SYTL5: variants seen among roughly 807,000 people sequenced by gnomAD.
SYTL5 encodes synaptotagmin-like protein 5.
A neutral mutation model predicts 55.9 loss-of-function variants in SYTL5; 34 were observed. The observed-to-expected ratio is 0.61, with a 90% CI of 0.46 to 0.81. SYTL5 has a LOEUF of 0.81. Among genes scored for constraint, SYTL5 ranks in the 30% least tolerant of loss-of-function variants. The pLI is 0.00. For missense variants in SYTL5, 637 were observed against 546.7 expected (o/e 1.17, Z -1.65); for synonymous variants, 221 against 188.7 (o/e 1.17, Z -1.40).
In SYTL5 at chrX:38,122,076, A is replaced by G; in HGVS notation, c.1706-4A>G. On this transcript the variant is annotated splice_region_variant and splice_polypyrimidine_tract_variant and intron_variant, in intron 14 of 16. Coordinates refer to ENST00000297875, the MANE Select transcript of SYTL5 (RefSeq NM_138780.3). ...CCATTCCCTCATTTTGGTGGCTGAC[A>G]CAGGAAATAAGACTTTTAAAAAGGG... 1 of 1,169,187 alleles carries G rather than the reference A, an allele frequency of 8.6e-7. No homozygotes were observed. The highest frequency in any genetic ancestry group is 1.1e-6 in the Non-Finnish European group (1 of 871,694).
chrX:37,922,555 A>G, the SYTL5 span, among the ~76,000 whole-genome samples: 2 of 112,208 alleles, frequency 1.8e-5, no homozygotes, highest in Non-Finnish European at 3.8e-5. Context: ...AGACTACTCA[A>G]TGAATTTTCC....
chrX:38,061,360 T>A (rs1305079461), intron 3 of SYTL5, among the ~76,000 whole-genome samples: 1 of 112,151 alleles, frequency 8.9e-6, no homozygotes, highest in East Asian at 2.8e-4. Flanking sequence ...TTGCTATTCA[T>A]GGAGTGGTTT....
chrX:37,970,354 CTT>C, the SYTL5 span, among the ~76,000 whole-genome samples: 3 of 96,315 alleles, frequency 3.1e-5, no homozygotes, highest in Non-Finnish European at 2.1e-5. Flanking sequence ...TTTTTTTTAC[CTT>C]TTTTTTTTTT....
At chrX:38,001,535 T>C in the SYTL5 span, among the ~76,000 whole-genome samples, 15 of 111,676 alleles carry the variant, frequency 1.3e-4, no homozygotes, top group Non-Finnish European at 1.9e-5. Flanking sequence ...CCCACAAATA[T>C]GTGAGAACAT....
chrX:38,010,180 GATT>G (rs988984263), intron 1 of SYTL5, among the ~76,000 whole-genome samples: 6 of 112,334 alleles, frequency 5.3e-5, no homozygotes, highest in Non-Finnish European at 9.4e-5. Flanking sequence ...AGTGTTGTAG[GATT>G]AGAACGTTTA....
At chrX:37,951,449 C>T in the SYTL5 span, among the ~76,000 whole-genome samples, 1 of 110,595 alleles carries the variant, frequency 9.0e-6, no homozygotes, top group African/African-American at 3.3e-5. Flanking sequence ...CTAAGCATGC[C>T]GTATGTGTCA....
intron 9 of SYTL5, among the ~76,000 whole-genome samples, chrX:38,097,527 G>T (rs1266020844): frequency 9.1e-6 from 1 of 110,492 alleles, no homozygotes; most frequent in Non-Finnish European, 1.9e-5. Flanking sequence ...CATGTGCATT[G>T]AAATTAACAA....
chrX:38,120,478 A>C lies in SYTL5; in HGVS notation c.1705+12A>C. 8.8e-7 allele frequency: 1 copy of C among 1,133,121 alleles called. No homozygotes were observed. The highest frequency in any genetic ancestry group is 1.2e-6 in the Non-Finnish European group (1 of 823,891). 93.4% of individuals were successfully genotyped at this position (1,133,121 alleles called of 1,213,427 possible). A position where few individuals can be genotyped will look rare whatever the true frequency, so the allele number is the denominator to read the frequency against. ...AGAACAACTCCAAGGTAGAGTAAAA[A>C]TCAATGACTTTGATCAATGACATTC... On this transcript the variant is annotated intron_variant, in intron 14 of 16. Coordinates refer to ENST00000297875, the MANE Select transcript of SYTL5 (RefSeq NM_138780.3).
intron 2 of SYTL5, among the ~76,000 whole-genome samples, chrX:38,038,921 C>A (rs951811103): frequency 8.9e-6 from 1 of 111,747 alleles, no homozygotes; most frequent in Admixed American, 9.5e-5. Flanking sequence ...ACGGAGAAAG[C>A]GTAAAAATTG....
chrX:38,093,603 C>A (rs183755581), intron 7 of SYTL5, among the ~76,000 whole-genome samples: 113 of 111,124 alleles, frequency 1.0e-3, no homozygotes, highest in Middle Eastern at 9.3e-3. Flanking sequence ...ATTTTCTTTA[C>A]CATATGTTAC....
At chrX:37,924,520 G>C in the SYTL5 span, among the ~76,000 whole-genome samples, 2 of 111,386 alleles carry the variant, frequency 1.8e-5, no homozygotes, top group South Asian at 3.8e-4. Flanking sequence ...TTATTGTATA[G>C]CTTATAGAAG....
chrX:38,048,595 G>A (rs1450227853), intron 2 of SYTL5, among the ~76,000 whole-genome samples: 1 of 109,947 alleles, frequency 9.1e-6, no homozygotes, highest in Non-Finnish European at 1.9e-5. Flanking sequence ...TCACAGTCAT[G>A]GCGGAAGGTG....
chrX:37,985,692 A>G, the SYTL5 span, among the ~76,000 whole-genome samples: 50 of 110,940 alleles, frequency 4.5e-4, no homozygotes, highest in Admixed American at 3.0e-3. Flanking sequence ...CGTAAAATTC[A>G]TATGAAATTT....
At chrX:37,911,642 C>T in the SYTL5 span, among the ~76,000 whole-genome samples, 2 of 111,301 alleles carry the variant, frequency 1.8e-5, no homozygotes, top group Non-Finnish European at 3.8e-5. Flanking sequence ...TACACGAGAC[C>T]AACAGTGAGC....
At chrX:37,894,202 G>A in the SYTL5 span, among the ~76,000 whole-genome samples, 2 of 111,413 alleles carry the variant, frequency 1.8e-5, no homozygotes, top group East Asian at 5.6e-4. Context: ...ACCTGTTGTT[G>A]GACATTAGAG....
chrX:38,103,057 C>G, intron 10 of SYTL5: 4 of 1,161,482 alleles, frequency 3.4e-6, no homozygotes, highest in Non-Finnish European at 4.6e-6. Context: ...AGGAAGTGGA[C>G]CTACCTAAAT....
chrX:37,897,987 A>C, the SYTL5 span, among the ~76,000 whole-genome samples: 1 of 111,186 alleles, frequency 9.0e-6, no homozygotes, highest in Non-Finnish European at 1.9e-5. Context: ...AATCTCAGCT[A>C]CTCAGGAGGC....
chrX:38,110,257 G>A, intron 12 of SYTL5, 64 bp from the exon 13 acceptor site: 3 of 895,378 alleles, frequency 3.4e-6, no homozygotes, highest in Non-Finnish European at 4.5e-6. Flanking sequence ...AGTAAATTTC[G>A]ACCTCTCCTG....
At chrX:37,949,518 G>A in the SYTL5 span, 4 of 111,873 alleles carry the variant, frequency 3.6e-5, no homozygotes, top group South Asian at 1.5e-3. Flanking sequence ...GAAAGAGTAA[G>A]CTATCATGCC....
Sources: allele counts gnomAD v4.1 joint callset (sites outside exome capture counted in the v4.1 genomes callset), GRCh38; gene constraint gnomAD v4.1.1; transcripts MANE v1.5; gene names NCBI Gene and HGNC (gene_info 2026-07-23, HGNC 2026-07-21).